Variants in CBLN1 observed in about 807,000 individuals in gnomAD.
CBLN1 encodes cerebellin 1 precursor, also known as cerebellin-1.
Under a neutral mutation model 15.9 loss-of-function variants are expected in CBLN1, and 5 were observed. The ratio of observed to expected loss-of-function variants is 0.31; its 90% CI spans 0.16 to 0.66. CBLN1 has a LOEUF of 0.66. Among genes scored for constraint, CBLN1 ranks in the 30% least tolerant of loss-of-function variants. The probability of loss-of-function intolerance (pLI) is 0.75; values close to 1 mark genes in which losing one functional copy is unlikely to be tolerated. For synonymous variants in CBLN1, 90 were observed against 107.6 expected, an observed-to-expected ratio of 0.84 and a Z score of 1.01; for missense variants, 164 against 253.7, an observed-to-expected ratio of 0.65 and a Z score of 2.40.
At position 49,279,235 on chromosome 16, in the gene CBLN1, T is replaced by G. The variant is rs1963231629; in HGVS notation, c.*169A>C. On this transcript the variant is annotated 3_prime_UTR_variant, in exon 3 of 3. Coordinates refer to ENST00000219197, the MANE Select transcript of CBLN1 (RefSeq NM_004352.4). ...AAATTTATTTCTCCTAATAAGGAAA[T>G]GGACAAAGTTGTCCCACAGCTGGCG... The G allele has an allele frequency of 1.6e-6, 1 of 633,068 alleles. No homozygotes were observed. The highest frequency in any genetic ancestry group is 2.8e-6 in the Non-Finnish European group (1 of 363,580). The allele number at this position is 633,068 out of a possible 1,614,324, so 39.2% of individuals were successfully genotyped here.
Position 49,281,556 on chromosome 16 carries a change from T to A in CBLN1, c.-91A>T. The stretch of plus-strand genomic sequence containing the variant: ...CCAGTCCCGCTCCGAAGCCCCCTCC[T>A]CAGCTCCGTGCGCAGCTCCGCCGCC... On this transcript the variant is annotated 5_prime_UTR_variant, in exon 1 of 3. Coordinates refer to ENST00000219197, the MANE Select transcript of CBLN1 (RefSeq NM_004352.4). 2.4e-6 allele frequency: 2 copies of A among 820,578 alleles called. No homozygotes were observed. The highest frequency in any genetic ancestry group is 3.2e-6 in the Non-Finnish European group (2 of 617,120). The allele number at this position is 820,578 out of a possible 1,614,324, so 50.8% of individuals were successfully genotyped here.
At chr16:49,279,719 T>TGGG in intron 2 of CBLN1, 118 bp from the exon 3 acceptor site, 20 of 146,866 alleles carry the variant, frequency 1.4e-4, no homozygotes, top group East Asian at 3.7e-4. Context: ...CACGGAGAGG[T>TGGG]GGGGGGTGGG....
Position 49,281,777 on chromosome 16 carries a change from G to C in CBLN1, c.-312C>G, listed in dbSNP as rs3743775. The C allele has an allele frequency of 3.6e-6, 1 of 279,754 alleles. No homozygotes were observed. The highest frequency in any genetic ancestry group is 6.6e-6 in the Non-Finnish European group (1 of 151,362). The allele number at this position is 279,754 out of a possible 1,614,324, so 17.3% of individuals were successfully genotyped here. ...CCGCCTCCTGCCCGCACCCGCCGCTGCCGCCGCCGCCGCCGCTCTGAATTA... is the reference window on the plus strand; with the variant it reads ...CCGCCTCCTGCCCGCACCCGCCGCTCCCGCCGCCGCCGCCGCTCTGAATTA... On this transcript the variant is annotated 5_prime_UTR_variant, in exon 1 of 3. Coordinates refer to ENST00000219197, the MANE Select transcript of CBLN1 (RefSeq NM_004352.4).
At chr16:49,281,110 G>A in intron 1 of CBLN1, 68 bp from the exon 2 acceptor site, 1 of 1,613,956 alleles carries the variant, frequency 6.2e-7, no homozygotes, top group Admixed American at 1.7e-5. Context: ...CCGCGCCTCC[G>A]CAGAGCCCTT....
rs968177540 is a variant in CBLN1, at chr16:49,279,389, C to A, written c.*15G>T. On this transcript the variant is annotated 3_prime_UTR_variant, in exon 3 of 3. Transcript: ENST00000219197. The stretch of plus-strand genomic sequence containing the variant: ...CCTTCGCCCTCTCCCTGCCTCCCTT[C>A]CGGCTACGAGCCAGTCAGAGAGGAA... 6.2e-7 allele frequency: 1 copy of A among 1,613,330 alleles called. No homozygotes were observed. Among genetic ancestry groups the A allele is most frequent in the Non-Finnish European group, 8.5e-7 (1 of 1,179,246 alleles).
rs1963226555 is a variant in CBLN1, at chr16:49,278,839, G to A, written c.*565C>T. On this transcript the variant is annotated 3_prime_UTR_variant, in exon 3 of 3. Transcript: ENST00000219197. ...CCTTTCTCTGCTAACAAGCAGCCGAGGATACTAAGTATCTTCAGCTAATTA... is the reference window on the plus strand; with the variant it reads ...CCTTTCTCTGCTAACAAGCAGCCGAAGATACTAAGTATCTTCAGCTAATTA... 1 of 152,614 alleles carries A rather than the reference G, an allele frequency of 6.6e-6. No individual in the cohort carries two copies. Among genetic ancestry groups the A allele is most frequent in the Admixed American group, 6.5e-5 (1 of 15,296 alleles). The allele number at this position is 152,614 out of a possible 1,614,324, so 9.5% of individuals were successfully genotyped here. A position where few individuals can be genotyped will look rare whatever the true frequency, so the allele number is the denominator to read the frequency against.
chr16:49,280,401 C>T (rs1963251584), intron 2 of CBLN1, among the ~76,000 whole-genome samples: 1 of 152,220 alleles, frequency 6.6e-6, no homozygotes, highest in Non-Finnish European at 1.5e-5. Flanking sequence ...CTCTCTCTAC[C>T]CCTCACCCTC....
At position 49,280,958 on chromosome 16, in the gene CBLN1, G is replaced by A; in HGVS notation, c.349C>T (p.His117Tyr). The part of the protein sequence containing the change: ...PRKGIYSFNF[H>Y]VVKVYNRQTI... ...TGTCTGTTGTAGACTTTTACCACGT[G>A]GAAGTTAAAACTGTAGATCCCTTTG... The change falls in exon 2 of 3, where the codon CAC (histidine) becomes TAC (tyrosine). Residue 117 changes from histidine to tyrosine, a missense_variant. Transcript: ENST00000219197. 6.2e-7 allele frequency: 1 copy of A among 1,614,236 alleles called. No individual in the cohort carries two copies. The highest frequency in any genetic ancestry group is 8.5e-7 in the Non-Finnish European group (1 of 1,180,030).
In CBLN1 at chr16:49,281,619, G is replaced by C. The variant is rs138079853; in HGVS notation, c.-154C>G. On this transcript the variant is annotated 5_prime_UTR_variant, in exon 1 of 3. Coordinates refer to ENST00000219197, the MANE Select transcript of CBLN1 (RefSeq NM_004352.4). ...ACTACACCTCTTCCTCGCACTCCGG[G>C]ACTAGCGTCCCCTCCGCGACTAGCG... is the stretch of plus-strand genomic sequence containing the variant. The C allele has an allele frequency of 1.5e-4, 68 of 442,674 alleles. No individual in the cohort carries two copies. The highest frequency in any genetic ancestry group is 1.4e-3 in the African/African-American group (66 of 48,484). The allele number at this position is 442,674 out of a possible 1,614,324, so 27.4% of individuals were successfully genotyped here. A position where few individuals can be genotyped will look rare whatever the true frequency, so the allele number is the denominator to read the frequency against.
At position 49,281,519 on chromosome 16, in the gene CBLN1, G is replaced by T; in HGVS notation, c.-54C>A. The T allele has an allele frequency of 6.2e-6, 7 of 1,134,878 alleles. No individual in the cohort carries two copies. The highest frequency in any genetic ancestry group is 7.7e-6 in the Non-Finnish European group (7 of 903,406). The allele number at this position is 1,134,878 out of a possible 1,614,324, so 70.3% of individuals were successfully genotyped here. On this transcript the variant is annotated 5_prime_UTR_variant, in exon 1 of 3. Coordinates refer to ENST00000219197, the MANE Select transcript of CBLN1 (RefSeq NM_004352.4). ...ACCCCCAGGGCTGCTCGCGCCAGCC[G>T]CCCCCCCCGTCCCAGTCCCGCTCCG...
At chr16:49,280,782 G>C in intron 2 of CBLN1, 141 bp downstream of exon 2, 1 of 850,004 alleles carries the variant, frequency 1.2e-6, no homozygotes, top group Non-Finnish European at 1.9e-6. Flanking sequence ...ACAGAACTGA[G>C]AGGCCCCGCT....
intron 2 of CBLN1, among the ~76,000 whole-genome samples, chr16:49,280,591 G>C (rs1469602621): frequency 6.6e-6 from 1 of 152,128 alleles, no homozygotes; most frequent in Non-Finnish European, 1.5e-5. Context: ...TGGGGAGTCC[G>C]GGAAGGCTTC....
At position 49,278,793 on chromosome 16, in the gene CBLN1, C is replaced by T. The variant is rs1481344868; in HGVS notation, c.*611G>A. On this transcript the variant is annotated 3_prime_UTR_variant, in exon 3 of 3. Coordinates refer to ENST00000219197, the MANE Select transcript of CBLN1 (RefSeq NM_004352.4). ...ATGATATATATTTATATTTTTTAAA[C>T]CAGTCACCACTAAGGTGAGTCCTTT... The T allele has an allele frequency of 1.3e-5, 2 of 152,248 alleles. No individual in the cohort carries two copies. The highest frequency in any genetic ancestry group is 4.8e-5 in the African/African-American group (2 of 41,446). The allele number at this position is 152,248 out of a possible 1,614,324, so 9.4% of individuals were successfully genotyped here.
Position 49,279,583 on chromosome 16 carries a change from C to A in CBLN1, c.403G>T (p.Gly135Trp). Residue 135 changes from glycine (G) to tryptophan (W), a missense_variant, in exon 3 of 3, where the codon GGG becomes TGG. This residue lies in a region of CBLN1 where 127 missense variants were observed against 179.7 expected (regional missense o/e 0.71). Coordinates refer to ENST00000219197, the MANE Select transcript of CBLN1 (RefSeq NM_004352.4). Reference sequence around the variant, plus strand: ...GCGAAGGCTGAAATCACCGGCCACCCGTTTAGCATGAGGCTCACCTGAGAA... The same window carrying A: ...GCGAAGGCTGAAATCACCGGCCACCAGTTTAGCATGAGGCTCACCTGAGAA... Reference protein sequence around the residue: ...QTIQVSLMLNGWPVISAFAGD... With the variant: ...QTIQVSLMLNWWPVISAFAGD... 7 of 1,614,200 alleles carry A rather than the reference C, an allele frequency of 4.3e-6. No individual in the cohort carries two copies. The highest frequency in any genetic ancestry group is 5.9e-6 in the Non-Finnish European group (7 of 1,180,046).
Position 49,281,780 on chromosome 16 carries a change from G to A in CBLN1, c.-315C>T. On this transcript the variant is annotated 5_prime_UTR_variant, in exon 1 of 3. Transcript: ENST00000219197. ...CCTCCTGCCCGCACCCGCCGCTGCC[G>A]CCGCCGCCGCCGCTCTGAATTATTG... The A allele has an allele frequency of 1.1e-5, 3 of 274,884 alleles. No individual in the cohort carries two copies. The highest frequency in any genetic ancestry group is 5.5e-5 in the Admixed American group (1 of 18,192). 17.0% of individuals were successfully genotyped at this position (274,884 alleles called of 1,614,324 possible). A position where few individuals can be genotyped will look rare whatever the true frequency, so the allele number is the denominator to read the frequency against.
rs111507068 is a variant in CBLN1, at chr16:49,279,726, TG to T, written c.385-126del. The T allele has an allele frequency of 2.4e-4, 53 of 222,120 alleles. 1 individual carries two copies. The highest frequency in any genetic ancestry group is 1.1e-3 in the East Asian group (9 of 8,230). The allele number at this position is 222,120 out of a possible 1,614,324, so 13.8% of individuals were successfully genotyped here. On this transcript the variant is annotated intron_variant, in intron 2 of 2. Coordinates refer to ENST00000219197, the MANE Select transcript of CBLN1 (RefSeq NM_004352.4). Reference sequence around the variant, plus strand: ...CCTGGAAGCACGGAGAGGTGGGGGGTGGGGGGGGCGAATGGAGGAAAAGGGG... The same window carrying T: ...CCTGGAAGCACGGAGAGGTGGGGGGTGGGGGGGCGAATGGAGGAAAAGGGG...
chr16:49,279,728 G>T (rs932329795), intron 2 of CBLN1, 127 bp from the exon 3 acceptor site: 3 of 678,258 alleles, frequency 4.4e-6, no homozygotes, highest in African/African-American at 3.7e-5. Flanking sequence ...GTGGGGGGTG[G>T]GGGGGGCGAA....
In CBLN1 at chr16:49,281,729, G is replaced by A. The variant is rs1036731798; in HGVS notation, c.-264C>T. 2.8e-6 allele frequency: 1 copy of A among 362,104 alleles called. No homozygotes were observed. The allele number at this position is 362,104 out of a possible 1,614,324, so 22.4% of individuals were successfully genotyped here. A position where few individuals can be genotyped will look rare whatever the true frequency, so the allele number is the denominator to read the frequency against. On this transcript the variant is annotated 5_prime_UTR_variant, in exon 1 of 3. Transcript: ENST00000219197. ...AGCCGCACTTGGATGCATAGCCGCT[G>A]CTGCTCGGTCCCGCTGCTGCCGCCG...
At position 49,279,574 on chromosome 16, in the gene CBLN1, C is replaced by A. The variant is rs1284060332; in HGVS notation, c.412G>T (p.Val138Leu). The A allele has an allele frequency of 3.1e-6, 5 of 1,614,122 alleles. No individual in the cohort carries two copies. Among genetic ancestry groups the A allele is most frequent in the African/African-American group, 1.3e-5 (1 of 74,922 alleles). The change falls in exon 3 of 3, where the codon GTG becomes TTG. Residue 138 changes from valine to leucine, a missense_variant. Coordinates refer to ENST00000219197, the MANE Select transcript of CBLN1 (RefSeq NM_004352.4). ...TGGTCACCAGCGAAGGCTGAAATCACCGGCCACCCGTTTAGCATGAGGCTC... is the reference window on the plus strand; with the variant it reads ...TGGTCACCAGCGAAGGCTGAAATCAACGGCCACCCGTTTAGCATGAGGCTC... The part of the protein sequence containing the change: ...QVSLMLNGWP[V>L]ISAFAGDQDV...
Sources: allele counts gnomAD v4.1 joint callset (sites outside exome capture counted in the v4.1 genomes callset), GRCh38; gene constraint gnomAD v4.1.1; regional missense constraint gnomAD v4.1.1; transcripts MANE v1.5; gene names NCBI Gene and HGNC (gene_info 2026-07-23, HGNC 2026-07-21).